CFAP46: variants seen among roughly 807,000 people sequenced by gnomAD.
CFAP46 encodes cilia- and flagella-associated protein 46.
CFAP46 carries 245 observed loss-of-function variants against 325.7 expected under a neutral mutation model. The ratio of observed to expected loss-of-function variants is 0.75; its 90% CI spans 0.68 to 0.84. CFAP46 has a LOEUF of 0.84. Ranked by LOEUF, CFAP46 falls within the 40% of genes least tolerant of loss-of-function variation. The probability of loss-of-function intolerance (pLI) is 0.00; values close to 1 mark genes in which losing one functional copy is unlikely to be tolerated. For synonymous variants in CFAP46, 1,523 were observed against 1,495.9 expected (o/e 1.02, Z -0.42); for missense variants, 3,346 against 3,543.0 (o/e 0.94, Z 1.41).
At chr10:132,890,040 T>C (rs535428820) in intron 25 of CFAP46, among the ~76,000 whole-genome samples, 41 of 152,230 alleles carry the variant, frequency 2.7e-4, no homozygotes, top group Admixed American at 6.5e-4. Flanking sequence ...CTTTCTGATT[T>C]TTTTCTAGAA....
rs1250013935 is a variant in CFAP46 at position 132,926,590 on chromosome 10, A to G, written c.1043T>C (p.Val348Ala). ...GACCTCAACAGCCGCTCGGTTGTAC[A>G]CTTTCATCTTACTTTCAAGTCTTAA... Reference protein sequence around the residue: ...EALRLESKMKVYNRAAVEAQL... With the variant: ...EALRLESKMKAYNRAAVEAQL... Residue 348 changes from valine to alanine, a missense_variant, in exon 10 of 58, where the codon GTG becomes GCG. Coordinates refer to ENST00000368586, the MANE Select transcript of CFAP46 (RefSeq NM_001200049.3). 2 of 1,536,082 alleles carry G rather than the reference A, an allele frequency of 1.3e-6. No homozygotes were observed. Among genetic ancestry groups the G allele is most frequent in the Non-Finnish European group, 1.7e-6 (2 of 1,146,840 alleles).
chr10:132,900,420 G>C (rs888545461), intron 22 of CFAP46, among the ~76,000 whole-genome samples: 7 of 152,370 alleles, frequency 4.6e-5, no homozygotes, highest in African/African-American at 1.4e-4. Context: ...CGCCATGGAT[G>C]GGGGAGCACG....
rs79208530 is a variant in CFAP46 at position 132,884,632 on chromosome 10, G to A, written c.3627+471C>T. On this transcript the variant is annotated intron_variant, in intron 27 of 57. Transcript: ENST00000368586. The surrounding 1 kb of genome is among the most constrained non-coding windows in gnomAD (Gnocchi z 5.4). ...CTCCTGAGCCCACCCCAAGGGGAACGTCCATCTCGCCTTCCTGGGGGTGGG... is the reference window on the plus strand; with the variant it reads ...CTCCTGAGCCCACCCCAAGGGGAACATCCATCTCGCCTTCCTGGGGGTGGG... Among the ~76,000 whole-genome samples, 7,587 of 152,210 alleles carry A rather than the reference G, an allele frequency of 0.05. 262 individuals are homozygous for A. The highest frequency in any genetic ancestry group is 0.068 in the Non-Finnish European group (4,656 of 67,984).
intron 32 of CFAP46, among the ~76,000 whole-genome samples, chr10:132,871,223 A>G (rs1848892305): frequency 6.6e-6 from 1 of 152,242 alleles, no homozygotes; most frequent in African/African-American, 2.4e-5. Context: ...CTCATTGGCA[A>G]TGCTTTGGCC....
At chr10:132,927,724 T>C (rs1344616682) in intron 9 of CFAP46, among the ~76,000 whole-genome samples, 1 of 152,254 alleles carries the variant, frequency 6.6e-6, no homozygotes, top group Non-Finnish European at 1.5e-5. Flanking sequence ...ATTTCCACCA[T>C]TCACTCAGGC....
chr10:132,848,047 G>A (rs1481283107), intron 41 of CFAP46, among the ~76,000 whole-genome samples: 2 of 152,170 alleles, frequency 1.3e-5, no homozygotes, highest in African/African-American at 4.8e-5. Context: ...CGGAGCACAC[G>A]CCGTTCAGAC....
chr10:132,834,521 G>T, intron 48 of CFAP46, 133 bp downstream of exon 48: 2 of 1,283,194 alleles, frequency 1.6e-6, no homozygotes, highest in Non-Finnish European at 2.1e-6. Flanking sequence ...CCTGGGAGCA[G>T]GCAGGCGGCG....
At position 132,880,908 on chromosome 10, in the gene CFAP46, G is replaced by A; in HGVS notation, c.3752C>T (p.Ala1251Val). ...HLRWAVEILL[A>V]MKPPGDVPEP... ...AGGGACATCGCCGGGCGGCTTCATGGCCAGCAGGATCTCGACAGCCCAGCG... is the reference window on the plus strand; with the variant it reads ...AGGGACATCGCCGGGCGGCTTCATGACCAGCAGGATCTCGACAGCCCAGCG... Residue 1251 changes from alanine to valine, a missense_variant, in exon 28 of 58, where the codon GCC becomes GTC. Physicochemically the swap from Ala to Val is moderately conservative, Grantham distance 64 (BLOSUM62 0). Transcript: ENST00000368586. 2 of 1,550,284 alleles carry A rather than the reference G, an allele frequency of 1.3e-6. No homozygotes were observed. The highest frequency in any genetic ancestry group is 1.7e-6 in the Non-Finnish European group (2 of 1,146,984).
chr10:132,931,270 CT>C (rs1404632650), intron 8 of CFAP46, among the ~76,000 whole-genome samples: 1 of 102,894 alleles, frequency 9.7e-6, no homozygotes, highest in Non-Finnish European at 2.0e-5. Flanking sequence ...GAGCCTGGGC[CT>C]TCCCCACACT....
At chr10:132,929,877 T>C (rs947337677) in intron 8 of CFAP46, 73 bp from the exon 9 acceptor site, 3 of 1,033,814 alleles carry the variant, frequency 2.9e-6, no homozygotes, top group Admixed American at 4.2e-5. Context: ...CGAGAATCCA[T>C]GTCCCCCGTT....
chr10:132,897,937 C>A (rs974889816), intron 24 of CFAP46, among the ~76,000 whole-genome samples: 2 of 152,212 alleles, frequency 1.3e-5, no homozygotes, highest in African/African-American at 2.4e-5. Context: ...GAGGATCCAG[C>A]GCAGCGGCTT....
Position 132,808,687 on chromosome 10 carries a change from G to T in CFAP46, c.7882C>A (p.Pro2628Thr). 1 of 1,574,758 alleles carries T rather than the reference G, an allele frequency of 6.4e-7. No homozygotes were observed. ...PTHPHLPAPIPSSQLALPFLG... is the reference protein window; with the variant it reads ...PTHPHLPAPITSSQLALPFLG... Reference sequence around the variant, plus strand: ...AAGGGGAGAGCGAGCTGGGAGCTGGGGATGGGAGCCGGGAGGTGGGGATGG... The same window carrying T: ...AAGGGGAGAGCGAGCTGGGAGCTGGTGATGGGAGCCGGGAGGTGGGGATGG... Residue 2628 changes from proline to threonine, a missense_variant, in exon 58 of 58, where the codon CCC becomes ACC. Pro to Thr is a conservative substitution (Grantham distance 38). Transcript: ENST00000368586. This position sits in a 1 kb window ranked among gnomAD's most constrained non-coding sequence, Gnocchi z 6.8.
At chr10:132,937,878 G>C (rs572946888) in intron 5 of CFAP46, among the ~76,000 whole-genome samples, 1 of 152,328 alleles carries the variant, frequency 6.6e-6, no homozygotes, top group South Asian at 2.1e-4. Context: ...CGCTAGCACC[G>C]GGGCATTTTG....
chr10:132,940,868 T>G (rs1248633170), intron 4 of CFAP46, 128 bp downstream of exon 4: 1 of 865,618 alleles, frequency 1.2e-6, no homozygotes, highest in African/African-American at 1.7e-5. Flanking sequence ...TGATCACACG[T>G]GCATGAAAAT....
chr10:132,811,660 G>A (rs1021740202), intron 55 of CFAP46, among the ~76,000 whole-genome samples: 1 of 152,182 alleles, frequency 6.6e-6, no homozygotes, highest in Non-Finnish European at 1.5e-5. Context: ...GCGTGAGGCC[G>A]AGGCTGCTGG....
At chr10:132,898,595 T>A in intron 24 of CFAP46, 1 of 354,992 alleles carries the variant, frequency 2.8e-6, no homozygotes, top group South Asian at 2.2e-5. Context: ...CTGCTTGCTG[T>A]TCTCAGGGCC....
At chr10:132,898,164 C>A (rs1421830040) in intron 24 of CFAP46, among the ~76,000 whole-genome samples, 1 of 152,202 alleles carries the variant, frequency 6.6e-6, no homozygotes, top group African/African-American at 2.4e-5. Flanking sequence ...GGAGACTGAC[C>A]CCAACCCGAG....
chr10:132,929,611 G>T, intron 9 of CFAP46, 94 bp downstream of exon 9: 3 of 1,191,080 alleles, frequency 2.5e-6, no homozygotes, highest in Non-Finnish European at 3.8e-6. Flanking sequence ...GGGGGCCGTG[G>T]CCTGGTGAAC....
At chr10:132,821,605 G>C (rs1274291468) in intron 50 of CFAP46, among the ~76,000 whole-genome samples, 2 of 142,658 alleles carry the variant, frequency 1.4e-5, no homozygotes, top group Non-Finnish European at 1.5e-5. Context: ...TGTGTGCTGT[G>C]TGTGCGCTGA....
Sources: allele counts gnomAD v4.1 joint callset (sites outside exome capture counted in the v4.1 genomes callset), GRCh38; gene constraint gnomAD v4.1.1; non-coding constraint Gnocchi (gnomAD v3.1); transcripts MANE v1.5; gene names NCBI Gene and HGNC (gene_info 2026-07-23, HGNC 2026-07-21).